Variants in ALPK1 observed in about 807,000 individuals in gnomAD.
ALPK1 encodes the protein alpha kinase 1, also known as alpha-protein kinase 1.
In ALPK1, 110 loss-of-function variants were observed where a neutral mutation model predicts 120.6. The ratio of observed to expected loss-of-function variants is 0.91; its 90% CI spans 0.78 to 1.07. The LOEUF (loss-of-function observed/expected upper bound fraction) is 1.07, where lower values mean the gene tolerates loss of function less well. Ranked by LOEUF, ALPK1 falls within the 50% of genes least tolerant of loss-of-function variation. The pLI is 0.00. For missense variants in ALPK1, 1,498 were observed against 1,483.9 expected (o/e 1.01, Z -0.16); for synonymous variants, 582 against 560.3 (o/e 1.04, Z -0.55).
intron 2 of ALPK1, among the ~76,000 whole-genome samples, chr4:112,367,721 C>G (rs1314137213): frequency 6.6e-6 from 1 of 152,220 alleles, no homozygotes. Flanking sequence ...TCTACTGCTG[C>G]TCCCTCTTCT....
rs930218689 is a variant in ALPK1 at position 112,344,303 on chromosome 4, G to T, written c.-101+28451G>T. ...AGGAGAGCACGTTCCAGCCTGAACT[G>T]CTGCGAGTGGAAGTCTAGGGAGAGC... On this transcript the variant is annotated intron_variant, in intron 2 of 15. Transcript: ENST00000650871. 2.0e-5 allele frequency among the ~76,000 whole-genome samples: 3 copies of T among 152,214 alleles called. No homozygotes were observed. In the East Asian group the frequency reaches 5.8e-4, roughly 29 times the overall value.
In ALPK1 at chr4:112,432,277, A is replaced by C. The variant is rs35308602; in HGVS notation, c.2730A>C (p.Glu910Asp). The C allele has an allele frequency of 3.9e-3, 6,368 of 1,614,226 alleles. 163 individuals are homozygous for C. In the East Asian group the frequency reaches 0.071, roughly 18 times the overall value. ...VLSEDCTTTE[E>D]GNQPGNMLNC... ...GCGAGGACTGCACTACCACAGAGGA[A>C]GGAAATCAGCCTGGAAACATGCTAA... Residue 910 changes from glutamate (E) to aspartate (D), a missense_variant, in exon 11 of 16, where the codon GAA becomes GAC. Glu to Asp is a conservative substitution (Grantham distance 45, BLOSUM62 2). Coordinates refer to ENST00000650871, the MANE Select transcript of ALPK1 (RefSeq NM_025144.4).
At chr4:112,310,807 G>A (rs143181882) in intron 1 of ALPK1, among the ~76,000 whole-genome samples, 49 of 152,096 alleles carry the variant, frequency 3.2e-4, no homozygotes, top group African/African-American at 1.0e-3. Context: ...TTATAGCAAT[G>A]CTTGATAAAA....
At chr4:112,309,084 T>C (rs1728267552) in intron 1 of ALPK1, among the ~76,000 whole-genome samples, 1 of 152,138 alleles carries the variant, frequency 6.6e-6, no homozygotes, top group Non-Finnish European at 1.5e-5. Context: ...ACAGCAAATG[T>C]TGCTGCCTGA....
chr4:112,299,081 T>G (rs1478310727), intron 1 of ALPK1, among the ~76,000 whole-genome samples: 1 of 150,702 alleles, frequency 6.6e-6, no homozygotes, highest in South Asian at 2.1e-4. Context: ...CATATTTTTG[T>G]TTTTTTTGTA....
intron 2 of ALPK1, among the ~76,000 whole-genome samples, chr4:112,344,962 C>T (rs180705640): frequency 1.4e-3 from 213 of 152,262 alleles, no homozygotes; most frequent in South Asian, 4.6e-3. Flanking sequence ...ACTACTTTTT[C>T]GTATTTAAAA....
rs1414907431 is a variant in ALPK1 at position 112,442,056 on chromosome 4, C to G, written c.*846C>G. The G allele has an allele frequency of 6.5e-6, 1 of 153,162 alleles. No individual in the cohort carries two copies. Among genetic ancestry groups the G allele is most frequent in the Non-Finnish European group, 1.5e-5 (1 of 68,818 alleles). 9.5% of individuals were successfully genotyped at this position (153,162 alleles called of 1,614,324 possible). On this transcript the variant is annotated 3_prime_UTR_variant, in exon 16 of 16. Transcript: ENST00000650871. ...CTTACAATCATGGCAGAAGGCACCT[C>G]TTCATAGGGTAGCAGGAGAGAGAAT...
At chr4:112,408,003 A>G (rs181244807) in intron 4 of ALPK1, among the ~76,000 whole-genome samples, 1 of 152,114 alleles carries the variant, frequency 6.6e-6, no homozygotes, top group East Asian at 1.9e-4. Context: ...GCTACTCAGG[A>G]GGCTGAGGCA....
At chr4:112,313,443 C>T (rs959076997) in intron 1 of ALPK1, among the ~76,000 whole-genome samples, 7 of 152,184 alleles carry the variant, frequency 4.6e-5, no homozygotes, top group African/African-American at 1.4e-4. Flanking sequence ...CTGCTGGAGG[C>T]CGGGCATGGT....
At chr4:112,378,586 T>G (rs76878961) in intron 3 of ALPK1, among the ~76,000 whole-genome samples, 12 of 148,806 alleles carry the variant, frequency 8.1e-5, no homozygotes, top group African/African-American at 2.0e-4. Flanking sequence ...ATCTTCTGGG[T>G]TTTTTTTTTA....
At chr4:112,303,177 C>G (rs1245576983) in intron 1 of ALPK1, among the ~76,000 whole-genome samples, 3 of 152,118 alleles carry the variant, frequency 2.0e-5, no homozygotes, top group Non-Finnish European at 4.4e-5. Context: ...GTTCTCTACC[C>G]TCTTTCTCTC....
At chr4:112,358,121 G>C (rs1457499916) in intron 2 of ALPK1, 2 of 604,388 alleles carry the variant, frequency 3.3e-6, no homozygotes, top group African/African-American at 3.6e-5. Context: ...CCAGGTTGGG[G>C]CTGGGGGCCA....
intron 2 of ALPK1, chr4:112,357,766 C>T (rs1037201302): frequency 3.1e-5 from 35 of 1,136,500 alleles, no homozygotes; most frequent in East Asian, 4.7e-5. Context: ...CAACATCGCC[C>T]GCATGGTGCC....
intron 4 of ALPK1, among the ~76,000 whole-genome samples, chr4:112,410,485 T>G (rs149549316): frequency 8.0e-4 from 122 of 152,350 alleles, no homozygotes; most frequent in African/African-American, 2.8e-3. Flanking sequence ...GCCCAGTAAG[T>G]GTTAGTACTT....
chr4:112,373,856 C>T (rs1731529206), intron 2 of ALPK1, among the ~76,000 whole-genome samples: 2 of 152,148 alleles, frequency 1.3e-5, no homozygotes, highest in African/African-American at 4.8e-5. Context: ...TAAAAAAGTA[C>T]CCACCTTAAT....
chr4:112,377,438 G>A (rs148811192), intron 2 of ALPK1, among the ~76,000 whole-genome samples: 51 of 152,260 alleles, frequency 3.3e-4, no homozygotes, highest in African/African-American at 1.1e-3. Flanking sequence ...CTCCACTGAC[G>A]TCACTGTGGA....
chr4:112,302,652 T>C lies in ALPK1; in HGVS notation c.-153+5183T>C, dbSNP rs140409390. Among the ~76,000 whole-genome samples the C allele has an allele frequency of 5.3e-5, 8 of 152,326 alleles. No homozygotes were observed. The East Asian group carries it at 7.7e-4, about 15-fold the overall frequency. The stretch of plus-strand genomic sequence containing the variant: ...CAACTGGAGTCTGTCCCCTTCCTTT[T>C]TCCTCTTTCAGGAGGACGCTGCCTT... On this transcript the variant is annotated intron_variant, in intron 1 of 15. Transcript: ENST00000650871.
intron 4 of ALPK1, among the ~76,000 whole-genome samples, chr4:112,391,262 G>A (rs1732404243): frequency 6.6e-6 from 1 of 152,156 alleles, no homozygotes. Context: ...CCTTTGCCTT[G>A]TGAACAAGGT....
chr4:112,336,444 A>G (rs1729624363), intron 2 of ALPK1, among the ~76,000 whole-genome samples: 1 of 152,222 alleles, frequency 6.6e-6, no homozygotes, highest in African/African-American at 2.4e-5. Context: ...AAGTTGCTCA[A>G]TCTCTTTGGG....
Sources: gnomAD v4.1 joint callset for allele counts (sites outside exome capture counted in the v4.1 genomes callset) on GRCh38, gnomAD v4.1.1 for gene constraint, MANE v1.5 for transcripts, NCBI Gene and HGNC (gene_info 2026-07-23, HGNC 2026-07-21) for gene names.